GALNT11: variants seen among roughly 807,000 people sequenced by gnomAD.
The protein encoded by GALNT11 is UDP-GalNAc:polypeptide N-acetylgalactosaminyltransferase 11.
In GALNT11, 47 loss-of-function variants were observed where a neutral mutation model predicts 72.7. The ratio of observed to expected loss-of-function variants is 0.65; its 90% CI spans 0.51 to 0.82. GALNT11 has a LOEUF of 0.82. GALNT11 is among the 40% of genes least tolerant of loss of function. GALNT11 has a pLI of 0.00. For synonymous variants in GALNT11, 270 were observed against 286.6 expected, an observed-to-expected ratio of 0.94 and a Z score of 0.58; for missense variants, 677 against 778.4, an observed-to-expected ratio of 0.87 and a Z score of 1.55.
At chr7:152,068,026 G>C (rs1042122311) in intron 1 of GALNT11, among the ~76,000 whole-genome samples, 1 of 152,106 alleles carries the variant, frequency 6.6e-6, no homozygotes, top group Non-Finnish European at 1.5e-5. Context: ...CAGCAAGTCA[G>C]CAGCAAGCCA....
intron 1 of GALNT11, among the ~76,000 whole-genome samples, chr7:152,029,419 T>C (rs1414494216): frequency 6.6e-6 from 1 of 152,210 alleles, no homozygotes; most frequent in Non-Finnish European, 1.5e-5. Context: ...ACTGACGGAC[T>C]TGAGCTTTGA....
At chr7:152,072,918 C>G (rs2084743706) in intron 1 of GALNT11, among the ~76,000 whole-genome samples, 1 of 152,168 alleles carries the variant, frequency 6.6e-6, no homozygotes, top group Non-Finnish European at 1.5e-5. Flanking sequence ...GCTAAGGAAA[C>G]TTTTTGTCTG....
intron 1 of GALNT11, among the ~76,000 whole-genome samples, chr7:152,046,869 C>A (rs997433546): frequency 6.6e-6 from 1 of 152,134 alleles, no homozygotes; most frequent in Non-Finnish European, 1.5e-5. Context: ...CTGCTTCCTT[C>A]TTAACCTTCC....
At chr7:152,073,847 T>A (rs2084804625) in intron 1 of GALNT11, among the ~76,000 whole-genome samples, 1 of 152,244 alleles carries the variant, frequency 6.6e-6, no homozygotes, top group African/African-American at 2.4e-5. Context: ...CCACTCTAAC[T>A]GGGATGAGAT....
intron 1 of GALNT11, among the ~76,000 whole-genome samples, chr7:152,039,867 C>T (rs1185689266): frequency 1.3e-5 from 2 of 152,130 alleles, no homozygotes; most frequent in Non-Finnish European, 2.9e-5. Flanking sequence ...TCTGTCTTTG[C>T]AGCTGATTTC....
chr7:152,084,226 A>C (rs1282356304), intron 1 of GALNT11, among the ~76,000 whole-genome samples: 2 of 151,436 alleles, frequency 1.3e-5, no homozygotes, highest in Non-Finnish European at 1.5e-5. Flanking sequence ...AATTTTAATA[A>C]GTTGTATTTT....
intron 1 of GALNT11, among the ~76,000 whole-genome samples, chr7:152,060,622 C>T (rs1422852475): frequency 6.6e-6 from 1 of 151,874 alleles, no homozygotes; most frequent in African/African-American, 2.4e-5. Context: ...CTATCCCTCC[C>T]CCCCCTCCAC....
At chr7:152,049,213 T>C (rs1198145262) in intron 1 of GALNT11, among the ~76,000 whole-genome samples, 2 of 152,166 alleles carry the variant, frequency 1.3e-5, no homozygotes, top group South Asian at 2.1e-4. Context: ...ATTGAAGAGT[T>C]AGGTATTTAT....
intron 1 of GALNT11, among the ~76,000 whole-genome samples, chr7:152,061,267 G>A (rs953555512): frequency 2.0e-5 from 3 of 152,142 alleles, no homozygotes; most frequent in African/African-American, 7.2e-5. Flanking sequence ...CTGCATAAAT[G>A]TCTTCTTTTG....
intron 9 of GALNT11, chr7:152,118,453 T>C (rs144120695): frequency 6.4e-5 from 30 of 465,810 alleles, no homozygotes; most frequent in African/African-American, 5.3e-4. Context: ...TGACACTGTC[T>C]GCATGTTAAA....
intron 1 of GALNT11, among the ~76,000 whole-genome samples, chr7:152,060,832 C>T (rs1022532571): frequency 1.3e-5 from 2 of 152,144 alleles, no homozygotes; most frequent in African/African-American, 4.8e-5. Flanking sequence ...TATAGTATTC[C>T]ATGGTGTATA....
chr7:152,039,712 A>G (rs1463062706), intron 1 of GALNT11, among the ~76,000 whole-genome samples: 1 of 152,138 alleles, frequency 6.6e-6, no homozygotes, highest in African/African-American at 2.4e-5. Context: ...GCTTATGATA[A>G]GGTTTCAGGT....
chr7:152,062,644 A>G (rs2084085951), intron 1 of GALNT11, among the ~76,000 whole-genome samples: 1 of 152,182 alleles, frequency 6.6e-6, no homozygotes, highest in South Asian at 2.1e-4. Context: ...CATCCCATCA[A>G]TACCTAATTT....
intron 7 of GALNT11, 143 bp downstream of exon 7, chr7:152,110,788 T>G (rs1157350627): frequency 6.2e-6 from 4 of 646,320 alleles, no homozygotes; most frequent in Non-Finnish European, 1.0e-5. Context: ...TGGAGTGCAG[T>G]GGCGTGGTCA....
intron 1 of GALNT11, among the ~76,000 whole-genome samples, chr7:152,026,949 CTT>C (rs1284333220): frequency 2.0e-4 from 31 of 152,202 alleles, no homozygotes; most frequent in Admixed American, 1.6e-3. Flanking sequence ...GAATAAATCT[CTT>C]TAAAAATTTT....
chr7:152,081,516 C>T (rs181987435), intron 1 of GALNT11, among the ~76,000 whole-genome samples: 60 of 152,308 alleles, frequency 3.9e-4, no homozygotes, highest in Non-Finnish European at 7.1e-4. Context: ...ACAGTAGATG[C>T]TAACAGTCAC....
At chr7:152,121,073 AGTCTGCAGTACAGT>A in intron 11 of GALNT11, 105 bp downstream of exon 11, 3 of 1,378,498 alleles carry the variant, frequency 2.2e-6, no homozygotes, top group Non-Finnish European at 2.9e-6. Flanking sequence ...TGGTCTTCTC[AGTCTGCAGTACAGT>A]GGTCCCCCCA....
chr7:152,031,456 G>A (rs906735677), intron 1 of GALNT11, among the ~76,000 whole-genome samples: 3 of 152,160 alleles, frequency 2.0e-5, no homozygotes, highest in Admixed American at 6.5e-5. Flanking sequence ...CTAAGTAGGT[G>A]GTTGTCTGAT....
intron 1 of GALNT11, among the ~76,000 whole-genome samples, chr7:152,072,009 CAA>C (rs11366450): frequency 1.6e-3 from 110 of 67,004 alleles, no homozygotes; most frequent in African/African-American, 3.1e-3. Context: ...AACTCTGTCT[CAA>C]AAAAAAAAAA....
Sources: gnomAD v4.1 joint callset for allele counts (sites outside exome capture counted in the v4.1 genomes callset) on GRCh38, gnomAD v4.1.1 for gene constraint, MANE v1.5 for transcripts, NCBI Gene and HGNC (gene_info 2026-07-23, HGNC 2026-07-21) for gene names.